NAALADL2: variants seen among roughly 807,000 people sequenced by gnomAD.
The protein encoded by NAALADL2 is inactive N-acetylated-alpha-linked acidic dipeptidase-like protein 2.
NAALADL2 carries 76 observed loss-of-function variants against 87.2 expected under a neutral mutation model. That is an observed-to-expected ratio of 0.87 (90% CI 0.72 to 1.05). The LOEUF is 1.05. Ranked by LOEUF, NAALADL2 falls within the 50% of genes least tolerant of loss-of-function variation. The pLI is 0.00. For synonymous variants in NAALADL2, 354 were observed against 331.0 expected, an observed-to-expected ratio of 1.07 and a Z score of -0.75; for missense variants, 1,089 against 945.8, an observed-to-expected ratio of 1.15 and a Z score of -1.99.
At chr3:175,036,960 C>G (rs1029163285) in intron 1 of NAALADL2, among the ~76,000 whole-genome samples, 1 of 151,976 alleles carries the variant, frequency 6.6e-6, no homozygotes, top group African/African-American at 2.4e-5. Flanking sequence ...TGCAGCTCTT[C>G]CACATTCACT....
intron 3 of NAALADL2, among the ~76,000 whole-genome samples, chr3:175,238,282 A>T (rs1259074412): frequency 6.6e-6 from 1 of 152,162 alleles, no homozygotes; most frequent in Non-Finnish European, 1.5e-5. Context: ...AAAATAAAGA[A>T]GAGTTTAAAA....
At chr3:175,053,712 G>T (rs959696096) in intron 1 of NAALADL2, among the ~76,000 whole-genome samples, 1 of 152,184 alleles carries the variant, frequency 6.6e-6, no homozygotes, top group Non-Finnish European at 1.5e-5. Context: ...TTGCCAAAGA[G>T]AATTAGGTTC....
At chr3:175,395,765 G>A (rs898383013) in intron 5 of NAALADL2, among the ~76,000 whole-genome samples, 9 of 152,072 alleles carry the variant, frequency 5.9e-5, no homozygotes, top group African/African-American at 1.9e-4. Context: ...TCTGAAAAAG[G>A]CCGCTGTTTT....
At chr3:174,887,993 G>T (rs972380725) in intron 1 of NAALADL2, among the ~76,000 whole-genome samples, 1 of 152,154 alleles carries the variant, frequency 6.6e-6, no homozygotes, top group Non-Finnish European at 1.5e-5. Context: ...ATGGGATAGA[G>T]AGGGAGTGTA....
intron 13 of NAALADL2, among the ~76,000 whole-genome samples, chr3:175,774,168 T>C (rs2150188212): frequency 6.6e-6 from 1 of 152,214 alleles, no homozygotes; most frequent in East Asian, 1.9e-4. Context: ...ATCTTTACTC[T>C]GATTTACATG....
At chr3:175,521,456 G>A (rs1732646470) in intron 9 of NAALADL2, among the ~76,000 whole-genome samples, 1 of 151,948 alleles carries the variant, frequency 6.6e-6, no homozygotes, top group Non-Finnish European at 1.5e-5. Flanking sequence ...ATGCTAAGTG[G>A]TTAAGTATCT....
At chr3:175,315,071 T>C (rs1159906914) in intron 4 of NAALADL2, among the ~76,000 whole-genome samples, 1 of 152,062 alleles carries the variant, frequency 6.6e-6, no homozygotes, top group East Asian at 1.9e-4. Context: ...GGCATACAAA[T>C]ACTTCCAATG....
At chr3:175,134,931 A>C (rs557654822) in intron 2 of NAALADL2, among the ~76,000 whole-genome samples, 37 of 152,334 alleles carry the variant, frequency 2.4e-4, no homozygotes, top group African/African-American at 8.9e-4. Flanking sequence ...TTATAGTTCA[A>C]ATTATAAGAT....
rs181832650 is a variant in NAALADL2 at position 175,313,017 on chromosome 3, T to G, written c.940-11158T>G. ...TACGAAAAATTATTTTCTCACAGTTTGGAGTCAAGAAGTCCAAGATCAAAG... is the reference window on the plus strand; with the variant it reads ...TACGAAAAATTATTTTCTCACAGTTGGGAGTCAAGAAGTCCAAGATCAAAG... On this transcript the variant is annotated intron_variant, in intron 4 of 13. Transcript: ENST00000454872. 2.0e-5 allele frequency among the ~76,000 whole-genome samples: 3 copies of G among 152,306 alleles called. No individual in the cohort carries two copies. The East Asian group carries it at 5.8e-4, about 29-fold the overall frequency.
intron 9 of NAALADL2, among the ~76,000 whole-genome samples, chr3:175,498,639 A>C (rs185504866): frequency 1.6e-4 from 24 of 152,218 alleles, no homozygotes; most frequent in South Asian, 1.2e-3. Context: ...CTACATGACT[A>C]TTATGAACAG....
At chr3:174,726,432 G>C (rs963363355) in intron 2 of NAALADL2, among the ~76,000 whole-genome samples, 1 of 152,006 alleles carries the variant, frequency 6.6e-6, no homozygotes, top group African/African-American at 2.4e-5. Context: ...CTGGTATTTT[G>C]CTCACCATGG....
intron 2 of NAALADL2, among the ~76,000 whole-genome samples, chr3:175,213,452 G>A (rs533335051): frequency 2.0e-5 from 3 of 152,228 alleles, no homozygotes; most frequent in Admixed American, 2.0e-4. Context: ...ATCTTCTAGT[G>A]TTATGGAGAT....
chr3:174,787,290 C>T (rs1172624410), intron 3 of NAALADL2, among the ~76,000 whole-genome samples: 2 of 151,372 alleles, frequency 1.3e-5, no homozygotes, highest in Admixed American at 6.6e-5. Flanking sequence ...AAACACAATG[C>T]CCAAGACTGC....
At chr3:174,932,562 A>G (rs1737067135) in intron 1 of NAALADL2, among the ~76,000 whole-genome samples, 1 of 152,154 alleles carries the variant, frequency 6.6e-6, no homozygotes, top group African/African-American at 2.4e-5. Flanking sequence ...TATTAGTTCA[A>G]TATTGATGGG....
intron 2 of NAALADL2, among the ~76,000 whole-genome samples, chr3:175,221,802 G>A (rs1485349355): frequency 7.6e-6 from 1 of 130,750 alleles, no homozygotes; most frequent in Non-Finnish European, 1.7e-5. Context: ...TGGAGATGGA[G>A]TCTCGCTCTG....
intron 2 of NAALADL2, among the ~76,000 whole-genome samples, chr3:175,115,689 G>T (rs959382036): frequency 1.3e-5 from 2 of 151,510 alleles, no homozygotes; most frequent in East Asian, 3.9e-4. Flanking sequence ...AGTAATGAAT[G>T]GTATTTCTGC....
At chr3:174,695,321 T>A (rs984546589) in intron 2 of NAALADL2, among the ~76,000 whole-genome samples, 6 of 152,010 alleles carry the variant, frequency 3.9e-5, no homozygotes, top group African/African-American at 1.4e-4. Flanking sequence ...GAACCACCAA[T>A]GGCAGATGAA....
At chr3:175,397,042 A>G (rs1267011750) in intron 5 of NAALADL2, among the ~76,000 whole-genome samples, 1 of 152,012 alleles carries the variant, frequency 6.6e-6, no homozygotes, top group Non-Finnish European at 1.5e-5. Flanking sequence ...AAAAATATAT[A>G]TTATAGTGCC....
At chr3:174,592,302 G>T (rs577530707) in intron 2 of NAALADL2, among the ~76,000 whole-genome samples, 1 of 151,980 alleles carries the variant, frequency 6.6e-6, no homozygotes, top group Non-Finnish European at 1.5e-5. Context: ...CAATGTGCAG[G>T]TTAGTTACAT....
Sources: allele counts gnomAD v4.1 joint callset (sites outside exome capture counted in the v4.1 genomes callset), GRCh38; gene constraint gnomAD v4.1.1; transcripts MANE v1.5; gene names NCBI Gene and HGNC (gene_info 2026-07-23, HGNC 2026-07-21).